Variants in MYH16 observed in about 807,000 individuals in gnomAD.
The protein encoded by MYH16 is putative uncharacterized protein MYH16.
intron 13 of MYH16, among the ~76,000 whole-genome samples, chr7:99,263,131 G>A (rs73159503): frequency 4.7e-4 from 72 of 152,320 alleles, no homozygotes; most frequent in Non-Finnish European, 7.1e-4. Flanking sequence ...AGATGATGGA[G>A]CCTCCAACTC....
intron 20 of MYH16, among the ~76,000 whole-genome samples, 154 bp from the exon 3 acceptor site, chr7:99,277,385 G>A (rs2150818610): frequency 6.6e-6 from 1 of 152,302 alleles, no homozygotes; most frequent in East Asian, 1.9e-4. Flanking sequence ...TGGCATCTGT[G>A]GAGAGGGACC....
At chr7:99,288,368 G>T (rs1367438072) in intron 29 of MYH16, among the ~76,000 whole-genome samples, 2 of 152,136 alleles carry the variant, frequency 1.3e-5, no homozygotes, top group Non-Finnish European at 2.9e-5. Context: ...GAGCCCAGGG[G>T]GTTGAGACTG....
At chr7:99,242,684 G>C (rs118067621) in intron 1 of MYH16, among the ~76,000 whole-genome samples, 21 of 152,206 alleles carry the variant, frequency 1.4e-4, no homozygotes, top group Non-Finnish European at 2.9e-4. Context: ...AGTTTGGCTG[G>C]TCTGAAGGTA....
At chr7:99,307,912 C>T (rs1424274009), downstream of MYH16, among the ~76,000 whole-genome samples, 2 of 151,952 alleles carry the variant, frequency 1.3e-5, no homozygotes, top group East Asian at 3.9e-4. Flanking sequence ...GACGGGGTTT[C>T]ACCATGTTGG....
chr7:99,241,919 G>T (rs535779596), intron 1 of MYH16, among the ~76,000 whole-genome samples: 1 of 151,168 alleles, frequency 6.6e-6, no homozygotes, highest in Non-Finnish European at 1.5e-5. Context: ...GGAGTGCAGC[G>T]GCATGATCTC....
intron 1 of MYH16, among the ~76,000 whole-genome samples, chr7:99,239,320 A>C (rs114816377): frequency 2.4e-3 from 367 of 152,354 alleles, no homozygotes; most frequent in African/African-American, 8.6e-3. Context: ...CGTGAGAGTT[A>C]CTTATCTTTG....
chr7:99,298,466 C>T (rs1161470794), intron 36 of MYH16, among the ~76,000 whole-genome samples: 1 of 152,154 alleles, frequency 6.6e-6, no homozygotes, highest in Admixed American at 6.5e-5. Context: ...CTCCTGACCT[C>T]AAGTGATCCG....
intron 25 of MYH16, among the ~76,000 whole-genome samples, chr7:99,284,322 G>A (rs1006984155): frequency 2.0e-5 from 3 of 152,204 alleles, no homozygotes; most frequent in African/African-American, 7.2e-5. Flanking sequence ...TGGGTACAGT[G>A]GCTCACACCT....
intron 28 of MYH16, among the ~76,000 whole-genome samples, chr7:99,287,514 CA>C (rs1792295456): frequency 1.0e-5 from 1 of 97,154 alleles, no homozygotes; most frequent in African/African-American, 4.1e-5. Flanking sequence ...GCCTGGGCAA[CA>C]AGAGTGAAAC....
intron 4 of MYH16, chr7:99,249,025 G>A (rs746818071): frequency 2.0e-4 from 30 of 152,772 alleles, no homozygotes; most frequent in Admixed American, 5.9e-4. Flanking sequence ...TCACGTAAGT[G>A]TCTCTTCCAT....
intron 33 of MYH16, among the ~76,000 whole-genome samples, chr7:99,295,239 C>T (rs1173520636): frequency 6.6e-6 from 1 of 151,790 alleles, no homozygotes; most frequent in East Asian, 2.0e-4. Context: ...ATTAGCCGGG[C>T]GTGGTGGCAG....
chr7:99,249,073 A>C (rs2150806725), intron 4 of MYH16: 2 of 152,794 alleles, frequency 1.3e-5, no homozygotes. Context: ...TGTGTCTTAC[A>C]CATACAATTA....
At chr7:99,301,618 G>A (rs1397864475) in exon 38 of MYH16, 2 of 153,150 alleles carry the variant, frequency 1.3e-5, no homozygotes, top group African/African-American at 4.8e-5. Context: ...AGGTCCAGAT[G>A]GACGAGGATG....
At chr7:99,268,381 CTT>C (rs1792013484) in intron 18 of MYH16, among the ~76,000 whole-genome samples, 1 of 152,240 alleles carries the variant, frequency 6.6e-6, no homozygotes, top group African/African-American at 2.4e-5. Flanking sequence ...GCATGCCCAA[CTT>C]CACAGAACGA....
chr7:99,293,576 C>T (rs1431356457), intron 32 of MYH16, among the ~76,000 whole-genome samples: 1 of 152,184 alleles, frequency 6.6e-6, no homozygotes, highest in Admixed American at 6.5e-5. Flanking sequence ...ACCTTTGCTC[C>T]TGTGTCCCCT....
chr7:99,309,024 G>A (rs750396635), downstream of MYH16, among the ~76,000 whole-genome samples: 10 of 152,262 alleles, frequency 6.6e-5, no homozygotes, highest in South Asian at 2.1e-4. Flanking sequence ...AAATATCCCC[G>A]TTTGTCAGGT....
At chr7:99,306,997 C>T (rs1020313565), downstream of MYH16, among the ~76,000 whole-genome samples, 1 of 152,232 alleles carries the variant, frequency 6.6e-6, no homozygotes, top group Non-Finnish European at 1.5e-5. Context: ...CCCCAAAGCT[C>T]TTCCCCTCCT....
chr7:99,294,500 C>CAAAAAAAAAA (rs1159682450), intron 33 of MYH16, among the ~76,000 whole-genome samples: 1 of 25,568 alleles, frequency 3.9e-5, no homozygotes, highest in Non-Finnish European at 8.5e-5. Context: ...GACCCTGTCT[C>CAAAAAAAAAA]AAAAAAAAAA....
intron 6 of MYH16, chr7:99,251,234 G>T (rs556747013): frequency 1.1e-5 from 2 of 186,250 alleles, no homozygotes; most frequent in South Asian, 2.2e-4. Flanking sequence ...TGGGACAGGG[G>T]TCACGACCCC....
Sources: allele counts gnomAD v4.1 joint callset (sites outside exome capture counted in the v4.1 genomes callset), GRCh38; gene constraint gnomAD v4.1.1; transcripts MANE v1.5; gene names NCBI Gene and HGNC (gene_info 2026-07-23, HGNC 2026-07-21).